The following GPBP1L1 variants were observed in gnomAD, a reference collection of about 807,000 sequenced individuals.
GPBP1L1 encodes vasculin-like protein 1.
A neutral mutation model predicts 52.5 loss-of-function variants in GPBP1L1; 23 were observed. That is an observed-to-expected ratio of 0.44 (90% CI 0.32 to 0.62). The LOEUF (loss-of-function observed/expected upper bound fraction) is 0.62, where lower values mean the gene tolerates loss of function less well. Ranked by LOEUF, GPBP1L1 falls within the 20% of genes least tolerant of loss-of-function variation. The probability of loss-of-function intolerance (pLI) is 0.06; values close to 1 mark genes in which losing one functional copy is unlikely to be tolerated. For missense variants in GPBP1L1, 596 were observed against 579.3 expected, an observed-to-expected ratio of 1.03 and a Z score of -0.30; for synonymous variants, 243 against 203.1, an observed-to-expected ratio of 1.20 and a Z score of -1.67.
chr1:45,629,654 C>A lies in GPBP1L1; in HGVS notation c.1194G>T (p.Gln398His). Reference protein sequence around the residue: ...EHRLLKAMGWQEYPENDENCL... With the variant: ...EHRLLKAMGWHEYPENDENCL... The stretch of plus-strand genomic sequence containing the variant: ...AATTCTCATCATTTTCAGGATATTC[C>A]TGCCAACCCATAGCTTTCAATAACC... The change falls in exon 12 of 13, where the codon CAG (glutamine) becomes CAT (histidine). Residue 398 changes from glutamine (Q) to histidine (H), a missense_variant. Physicochemically the swap from Gln to His is conservative, Grantham distance 24. Coordinates refer to ENST00000355105, the MANE Select transcript of GPBP1L1 (RefSeq NM_021639.5). The A allele has an allele frequency of 2.5e-6, 4 of 1,612,744 alleles. No homozygotes were observed. The highest frequency in any genetic ancestry group is 2.5e-6 in the Non-Finnish European group (3 of 1,178,728).
chr1:45,642,567 C>T, intron 6 of GPBP1L1, 68 bp from the exon 7 acceptor site: 1 of 1,120,894 alleles, frequency 8.9e-7, no homozygotes, highest in Non-Finnish European at 1.4e-6. Flanking sequence ...CACAAAGTAG[C>T]CATCACCATG....
intron 2 of GPBP1L1, among the ~76,000 whole-genome samples, chr1:45,664,441 A>C (rs6671239): frequency 0.18 from 26,183 of 144,684 alleles, 2,711 homozygotes; most frequent in Non-Finnish European, 0.24. Flanking sequence ...TGGTGGGCGC[A>C]TGTAGTTCCA....
At chr1:45,659,219 TAA>T (rs1240673073) in intron 3 of GPBP1L1, 77 bp from the exon 4 acceptor site, 50 of 834,668 alleles carry the variant, frequency 6.0e-5, no homozygotes, top group Non-Finnish European at 9.6e-5. Context: ...GTAATTATTC[TAA>T]GATTCCTCTT....
chr1:45,637,538 T>TTTTTTTTTTTTTTTTTTTTTTTTTTTTG (rs1644610393), intron 8 of GPBP1L1, among the ~76,000 whole-genome samples: 2 of 151,442 alleles, frequency 1.3e-5, no homozygotes, highest in Non-Finnish European at 1.5e-5. Context: ...GCAGCCTTTA[T>TTTTTTTTTTTTTTTTTTTTTTTTTTTTG]ATTAGTTTTC....
At chr1:45,647,667 C>G (rs905900316) in intron 6 of GPBP1L1, among the ~76,000 whole-genome samples, 1 of 152,196 alleles carries the variant, frequency 6.6e-6, no homozygotes, top group African/African-American at 2.4e-5. Context: ...TATAAGTGAG[C>G]TCAGAGACCA....
chr1:45,668,511 G>A (rs1484041781), intron 2 of GPBP1L1, among the ~76,000 whole-genome samples: 5 of 152,032 alleles, frequency 3.3e-5, no homozygotes, highest in East Asian at 1.9e-4. Context: ...AGAATTAGCC[G>A]GGCATGATGG....
intron 2 of GPBP1L1, among the ~76,000 whole-genome samples, chr1:45,684,747 T>G (rs1425899961): frequency 1.3e-5 from 2 of 152,182 alleles, no homozygotes; most frequent in Non-Finnish European, 2.9e-5. Context: ...GCAACTAGCT[T>G]GTAATTTCTA....
chr1:45,651,708 TGCCAAAATTCTTAG>T, intron 6 of GPBP1L1: 2 of 515,178 alleles, frequency 3.9e-6, no homozygotes, highest in Non-Finnish European at 6.9e-6. Context: ...TCCTGTCCAA[TGCCAAAATTCTTAG>T]GCCTTTTCTT....
chr1:45,678,612 C>T (rs1645175641), intron 2 of GPBP1L1, among the ~76,000 whole-genome samples: 1 of 151,926 alleles, frequency 6.6e-6, no homozygotes, highest in Non-Finnish European at 1.5e-5. Context: ...TAAATAATAC[C>T]ATAAGGATGC....
chr1:45,641,461 AACACACACACAC>A (rs143580004), intron 7 of GPBP1L1, among the ~76,000 whole-genome samples: 35 of 146,846 alleles, frequency 2.4e-4, no homozygotes, highest in African/African-American at 6.0e-4. Context: ...CATACACATA[AACACACACACAC>A]ACACACACAC....
At chr1:45,675,466 G>A (rs1440819813) in intron 2 of GPBP1L1, among the ~76,000 whole-genome samples, 1 of 152,030 alleles carries the variant, frequency 6.6e-6, no homozygotes, top group Non-Finnish European at 1.5e-5. Context: ...TTATAGACGG[G>A]GTCTATTTAG....
intron 2 of GPBP1L1, among the ~76,000 whole-genome samples, chr1:45,670,137 T>C (rs994297038): frequency 6.6e-6 from 1 of 152,260 alleles, no homozygotes; most frequent in African/African-American, 2.4e-5. Flanking sequence ...AAGCGTTCCA[T>C]CTGCTTTACA....
At chr1:45,650,511 C>G (rs774333432) in intron 6 of GPBP1L1, among the ~76,000 whole-genome samples, 58 of 152,168 alleles carry the variant, frequency 3.8e-4, no homozygotes, top group Non-Finnish European at 7.8e-4. Context: ...ACAATTAGGA[C>G]TATTTAACTT....
At chr1:45,637,211 C>T (rs1157597219) in intron 8 of GPBP1L1, among the ~76,000 whole-genome samples, 2 of 152,152 alleles carry the variant, frequency 1.3e-5, no homozygotes, top group African/African-American at 4.8e-5. Flanking sequence ...TCTCTAGTGA[C>T]ACAGTGTTTA....
Position 45,629,577 on chromosome 1 carries a change from T to C in GPBP1L1, c.1271A>G (p.Gln424Arg), listed in dbSNP as rs765543554. Residue 424 changes from glutamine (Q) to arginine (R), a missense_variant and splice_region_variant, in exon 12 of 13, where the codon CAG becomes CGG. Gln to Arg is a conservative substitution (Grantham distance 43, BLOSUM62 1). Coordinates refer to ENST00000355105, the MANE Select transcript of GPBP1L1 (RefSeq NM_021639.5). ...CTAGGAAGAAGGTTTACAACATACC[T>C]GCTCTGTCTTCATGTGGAACTCTTT... ...ELKEFHMKTE[Q>R]LRRNGFGKNG... 7.0e-6 allele frequency: 11 copies of C among 1,581,476 alleles called. No homozygotes were observed. The Admixed American group carries it at 1.7e-4, about 24-fold the overall frequency.
intron 2 of GPBP1L1, among the ~76,000 whole-genome samples, chr1:45,685,244 G>A (rs1204085959): frequency 1.3e-5 from 2 of 152,120 alleles, no homozygotes; most frequent in Non-Finnish European, 2.9e-5. Flanking sequence ...CCTTAGAAAA[G>A]ATCAGCAGTC....
At chr1:45,668,554 TGAG>T (rs1420131787) in intron 2 of GPBP1L1, among the ~76,000 whole-genome samples, 2 of 152,110 alleles carry the variant, frequency 1.3e-5, no homozygotes, top group African/African-American at 4.8e-5. Flanking sequence ...GTTGGGCTGT[TGAG>T]GCACAAGAAC....
At chr1:45,633,421 A>C in intron 10 of GPBP1L1, 68 bp downstream of exon 10, 1 of 1,525,798 alleles carries the variant, frequency 6.6e-7, no homozygotes. Flanking sequence ...ATCCTTTAAG[A>C]AGAAGAAATC....
intron 2 of GPBP1L1, among the ~76,000 whole-genome samples, 161 bp downstream of exon 2, chr1:45,685,415 T>G (rs771624994): frequency 3.9e-5 from 6 of 152,178 alleles, no homozygotes; most frequent in Non-Finnish European, 7.3e-5. Context: ...TTAAAAATAT[T>G]TCAACAAATA....
Sources: allele counts gnomAD v4.1 joint callset (sites outside exome capture counted in the v4.1 genomes callset), GRCh38; gene constraint gnomAD v4.1.1; transcripts MANE v1.5; gene names NCBI Gene and HGNC (gene_info 2026-07-23, HGNC 2026-07-21).